Variants in CCDC102B observed in about 807,000 individuals in gnomAD.
The protein encoded by CCDC102B is coiled-coil domain containing 102B.
A neutral mutation model predicts 57.4 loss-of-function variants in CCDC102B; 75 were observed. That is an observed-to-expected ratio of 1.31 (90% CI 1.08 to 1.58). The LOEUF (loss-of-function observed/expected upper bound fraction) is 1.58, where lower values mean the gene tolerates loss of function less well. Ranked by LOEUF, CCDC102B falls within the 40% of genes most tolerant of loss-of-function variation. The pLI, the probability that CCDC102B is intolerant of heterozygous loss-of-function variation, is 0.00. For missense variants in CCDC102B, 636 were observed against 582.6 expected (o/e 1.09, Z -0.94); for synonymous variants, 206 against 201.9 (o/e 1.02, Z -0.17).
chr18:68,837,435 G>A, intron 2 of CCDC102B, 66 bp downstream of exon 2: 1 of 1,464,820 alleles, frequency 6.8e-7, no homozygotes, highest in Non-Finnish European at 9.2e-7. Context: ...GGAGGAAGAA[G>A]GAAGTGACAA....
intron 6 of CCDC102B, among the ~76,000 whole-genome samples, chr18:68,988,554 TACAAAAAAAA>T (rs549952310): frequency 8.2e-4 from 104 of 127,062 alleles, no homozygotes; most frequent in African/African-American, 3.6e-3. Context: ...GTGTTGAAAT[TACAAAAAAAA>T]ACAAAAAAAA....
chr18:68,859,105 A>G (rs1250025334), intron 4 of CCDC102B: 4 of 151,066 alleles, frequency 2.6e-5, no homozygotes, highest in Admixed American at 1.3e-4. Flanking sequence ...AAACAGAGAT[A>G]TAGATCAATG....
At chr18:68,956,338 TA>T (rs2049850180) in intron 6 of CCDC102B, among the ~76,000 whole-genome samples, 1 of 84,906 alleles carries the variant, frequency 1.2e-5, no homozygotes, top group Non-Finnish European at 2.2e-5. Context: ...ATATTATATA[TA>T]ATATATATAT....
chr18:68,999,796 A>C (rs576800601), intron 6 of CCDC102B, among the ~76,000 whole-genome samples: 1 of 152,278 alleles, frequency 6.6e-6, no homozygotes, highest in Admixed American at 6.5e-5. Context: ...AGTTGTCTGC[A>C]TCTGATACTT....
At chr18:68,818,288 C>G (rs8088502) in intron 1 of CCDC102B, among the ~76,000 whole-genome samples, 4,959 of 152,182 alleles carry the variant, frequency 0.033, 135 homozygotes, top group African/African-American at 0.07. Flanking sequence ...GTCTATTCTC[C>G]TGCTTAATCT....
intron 7 of CCDC102B, among the ~76,000 whole-genome samples, chr18:69,021,678 C>A (rs1053089875): frequency 2.6e-4 from 40 of 152,246 alleles, no homozygotes; most frequent in African/African-American, 9.6e-4. Context: ...AAATGCTCGA[C>A]AGCTATTTGG....
chr18:69,017,491 T>G (rs2051703425), intron 7 of CCDC102B, among the ~76,000 whole-genome samples: 1 of 152,192 alleles, frequency 6.6e-6, no homozygotes, highest in South Asian at 2.1e-4. Context: ...TACATTTATT[T>G]TTAAATCTCT....
At chr18:69,002,964 C>A (rs923597758) in intron 6 of CCDC102B, among the ~76,000 whole-genome samples, 8 of 152,140 alleles carry the variant, frequency 5.3e-5, no homozygotes, top group African/African-American at 1.7e-4. Flanking sequence ...CTGCAATACC[C>A]TTCTCCCTCG....
chr18:68,760,963 T>A (rs556631682), intron 2 of CCDC102B, among the ~76,000 whole-genome samples: 5 of 152,002 alleles, frequency 3.3e-5, no homozygotes, highest in South Asian at 2.1e-4. Context: ...AGAAAAAAAA[T>A]TCAGCCTCTT....
At chr18:68,867,046 C>T (rs1474581987) in intron 4 of CCDC102B, 1 of 263,798 alleles carries the variant, frequency 3.8e-6, no homozygotes, top group Non-Finnish European at 7.5e-6. Context: ...ACGTTCCCAG[C>T]GTCATCTTTC....
upstream of CCDC102B, among the ~76,000 whole-genome samples, chr18:68,793,573 T>C (rs1412013213): frequency 6.6e-6 from 1 of 150,954 alleles, no homozygotes; most frequent in African/African-American, 2.4e-5. Flanking sequence ...TTTATTTTCT[T>C]CAGTATGTTC....
At chr18:69,046,256 G>A (rs370979456) in intron 7 of CCDC102B, among the ~76,000 whole-genome samples, 42 of 152,092 alleles carry the variant, frequency 2.8e-4, no homozygotes, top group African/African-American at 9.7e-4. Flanking sequence ...AACCTCGCCA[G>A]CATCTATTAT....
At chr18:69,048,895 T>C (rs1016795222) in intron 7 of CCDC102B, among the ~76,000 whole-genome samples, 5 of 152,058 alleles carry the variant, frequency 3.3e-5, no homozygotes, top group Non-Finnish European at 7.4e-5. Flanking sequence ...TTCTTGCAAT[T>C]TTATTTATTT....
At chr18:69,022,211 A>ATATATG (rs1555673512) in intron 7 of CCDC102B, among the ~76,000 whole-genome samples, 513 of 37,000 alleles carry the variant, frequency 0.014, 11 homozygotes, top group African/African-American at 0.029. Flanking sequence ...ATATATATAT[A>ATATATG]TATATATATA....
intron 7 of CCDC102B, among the ~76,000 whole-genome samples, chr18:69,052,457 T>C (rs1364176714): frequency 1.3e-5 from 2 of 152,016 alleles, no homozygotes; most frequent in East Asian, 1.9e-4. Context: ...GAGAAAATTT[T>C]TCACAGATGA....
At chr18:68,916,149 A>AG (rs2041066035) in intron 6 of CCDC102B, among the ~76,000 whole-genome samples, 2 of 129,498 alleles carry the variant, frequency 1.5e-5, no homozygotes, top group African/African-American at 5.5e-5. Context: ...ATAAGAGAAT[A>AG]AATAGATAGA....
chr18:68,780,125 T>C (rs1323449992), intron 2 of CCDC102B, among the ~76,000 whole-genome samples: 2 of 152,166 alleles, frequency 1.3e-5, no homozygotes, highest in Non-Finnish European at 2.9e-5. Flanking sequence ...TACGTTGTTT[T>C]TTTCACTGAC....
intron 1 of CCDC102B, among the ~76,000 whole-genome samples, chr18:68,829,504 A>G (rs1192836857): frequency 1.3e-5 from 2 of 152,004 alleles, no homozygotes; most frequent in East Asian, 3.9e-4. Flanking sequence ...AAAATATTAT[A>G]TGTACTTTTT....
chr18:68,979,914 A>G (rs961605295), intron 6 of CCDC102B, among the ~76,000 whole-genome samples: 28 of 152,040 alleles, frequency 1.8e-4, no homozygotes, highest in African/African-American at 6.5e-4. Context: ...ACCAGTTCCC[A>G]GCACTCTCCT....
Sources: allele counts gnomAD v4.1 joint callset (sites outside exome capture counted in the v4.1 genomes callset), GRCh38; gene constraint gnomAD v4.1.1; transcripts MANE v1.5; gene names NCBI Gene and HGNC (gene_info 2026-07-23, HGNC 2026-07-21).